NFIB: variants seen among roughly 807,000 people sequenced by gnomAD.
NFIB encodes the protein nuclear factor I B, also known as nuclear factor 1 B-type.
In NFIB, 11 loss-of-function variants were observed where a neutral mutation model predicts 61.5. The observed-to-expected ratio is 0.18, with a 90% CI of 0.11 to 0.30. The LOEUF is 0.30. Ranked by LOEUF, NFIB falls within the 10% of genes least tolerant of loss-of-function variation. The probability of loss-of-function intolerance (pLI) is 1.00; values close to 1 mark genes in which losing one functional copy is unlikely to be tolerated. For synonymous variants in NFIB, 260 were observed against 216.5 expected (o/e 1.20, Z -1.76); for missense variants, 471 against 608.9 (o/e 0.77, Z 2.38).
chr9:14,516,070 G>A, the NFIB span, among the ~76,000 whole-genome samples: 37 of 152,344 alleles, frequency 2.4e-4, no homozygotes, highest in African/African-American at 8.4e-4. Flanking sequence ...GGAAGCCAGC[G>A]CTGAATTTAG....
intron 2 of NFIB, among the ~76,000 whole-genome samples, chr9:14,281,860 G>C (rs2058393720): frequency 6.6e-6 from 1 of 151,382 alleles, no homozygotes; most frequent in South Asian, 2.1e-4. Context: ...GTTTTTTTTA[G>C]GGAAATTAAT....
intron 2 of NFIB, among the ~76,000 whole-genome samples, chr9:14,199,498 A>G (rs2048793339): frequency 6.6e-6 from 1 of 152,218 alleles, no homozygotes; most frequent in Non-Finnish European, 1.5e-5. Context: ...TCAAAAACTT[A>G]ACTCACCCAT....
the NFIB span, among the ~76,000 whole-genome samples, chr9:14,448,952 T>C: frequency 6.6e-6 from 1 of 152,114 alleles, no homozygotes; most frequent in Non-Finnish European, 1.5e-5. Flanking sequence ...TTGCTCCCAG[T>C]TTGAGTCAAT....
At chr9:14,295,523 C>T (rs1169695528) in intron 2 of NFIB, among the ~76,000 whole-genome samples, 2 of 152,034 alleles carry the variant, frequency 1.3e-5, no homozygotes, top group Admixed American at 6.5e-5. Context: ...CCCAGCTACT[C>T]GGCAAGCTGA....
rs371408383 is a variant in NFIB, at chr9:14,146,702, G to A, written c.912C>T (p.His304=). The A allele has an allele frequency of 4.6e-5, 74 of 1,612,726 alleles. No individual in the cohort carries two copies. The highest frequency in any genetic ancestry group is 6.7e-5 in the African/African-American group (5 of 74,806). Residue 304 remains histidine, a synonymous_variant, in exon 6 of 11, where the codon CAC becomes CAT. Coordinates refer to ENST00000380953, the MANE Select transcript of NFIB (RefSeq NM_001190737.2). ...CTTATTACTCACCTTGATCTCTTTC[G>A]TGCCATGTTCGACTTCCAGCAGCTG... is the stretch of plus-strand genomic sequence containing the variant. ...SSPAAGSRTW[H]ERDQDMSSPT... is the part of the protein sequence containing the mutation.
intron 10 of NFIB, among the ~76,000 whole-genome samples, chr9:14,088,936 GT>G (rs1447857570): frequency 1.3e-5 from 2 of 152,100 alleles, no homozygotes; most frequent in African/African-American, 4.8e-5. Flanking sequence ...CTTAATCAGA[GT>G]TTTTTAGTAA....
At chr9:14,309,936 C>T (rs1163916186) in intron 1 of NFIB, among the ~76,000 whole-genome samples, 2 of 152,138 alleles carry the variant, frequency 1.3e-5, no homozygotes, top group Non-Finnish European at 1.5e-5. Context: ...CCTTGCCATG[C>T]TTTTTAAAAT....
At chr9:14,126,300 A>G (rs2039636509) in intron 6 of NFIB, among the ~76,000 whole-genome samples, 1 of 152,234 alleles carries the variant, frequency 6.6e-6, no homozygotes, top group African/African-American at 2.4e-5. Flanking sequence ...GCCAGGTAAA[A>G]TGAAGATGTC....
At chr9:14,503,936 A>G in the NFIB span, among the ~76,000 whole-genome samples, 3 of 152,178 alleles carry the variant, frequency 2.0e-5, no homozygotes, top group Non-Finnish European at 4.4e-5. Context: ...GTTCTCTTCT[A>G]GAATTTTTAT....
At chr9:14,237,984 A>C (rs1418276067) in intron 2 of NFIB, among the ~76,000 whole-genome samples, 1 of 151,886 alleles carries the variant, frequency 6.6e-6, no homozygotes, top group Non-Finnish European at 1.5e-5. Flanking sequence ...AGAAACAGTA[A>C]ACCAAGAAAC....
intron 6 of NFIB, among the ~76,000 whole-genome samples, chr9:14,135,897 G>A (rs1441535165): frequency 2.0e-5 from 3 of 152,022 alleles, no homozygotes; most frequent in Non-Finnish European, 4.4e-5. Context: ...TTACACTTGA[G>A]CATATTATTG....
rs751256838 is a variant in NFIB at position 14,313,886 on chromosome 9, G to A, written c.-375C>T. 9.2e-7 allele frequency: 1 copy of A among 1,091,486 alleles called. No individual in the cohort carries two copies. Among genetic ancestry groups the A allele is most frequent in the Non-Finnish European group, 1.1e-6 (1 of 897,066 alleles). 67.6% of individuals were successfully genotyped at this position (1,091,486 alleles called of 1,614,324 possible). On this transcript the variant is annotated 5_prime_UTR_variant, in exon 1 of 11. Coordinates refer to ENST00000380953, the MANE Select transcript of NFIB (RefSeq NM_001190737.2). This position sits in a 1 kb window ranked among gnomAD's most constrained non-coding sequence, Gnocchi z 4.5. The stretch of plus-strand genomic sequence containing the variant: ...TGTTGGGGTGTAGGGGGTGCGCGAA[G>A]GTTCGGTGTGGGTTGGATTGGGGTG...
At chr9:14,422,925 T>C in the NFIB span, among the ~76,000 whole-genome samples, 5 of 152,208 alleles carry the variant, frequency 3.3e-5, no homozygotes, top group African/African-American at 1.2e-4. Context: ...TAGAGGAAGA[T>C]GAAATGTTTC....
the NFIB span, among the ~76,000 whole-genome samples, chr9:14,512,479 A>C: frequency 6.6e-6 from 1 of 152,182 alleles, no homozygotes; most frequent in South Asian, 2.1e-4. Context: ...TTCTAGGCAT[A>C]TCTTTGTTGG....
intron 2 of NFIB, among the ~76,000 whole-genome samples, chr9:14,191,115 G>A (rs531197594): frequency 2.0e-5 from 3 of 151,780 alleles, no homozygotes; most frequent in African/African-American, 4.8e-5. Context: ...ATCACCTGAG[G>A]TCAGGAGTTC....
chr9:14,468,715 A>G, the NFIB span, among the ~76,000 whole-genome samples: 1 of 152,258 alleles, frequency 6.6e-6, no homozygotes, highest in Admixed American at 6.5e-5. Flanking sequence ...AGAAGGAGCT[A>G]TCTGTCACTT....
chr9:14,509,098 T>C, the NFIB span, among the ~76,000 whole-genome samples: 2 of 152,216 alleles, frequency 1.3e-5, no homozygotes, highest in Admixed American at 6.5e-5. Flanking sequence ...CAGCAAGCGT[T>C]TCTTGAGGAC....
chr9:14,525,169 T>C, the NFIB span, among the ~76,000 whole-genome samples: 1 of 152,164 alleles, frequency 6.6e-6, no homozygotes, highest in Non-Finnish European at 1.5e-5. Context: ...TCCTGGCCCA[T>C]TTAACACAGA....
intron 1 of NFIB, among the ~76,000 whole-genome samples, chr9:14,354,365 A>T (rs2061151195): frequency 6.6e-6 from 1 of 152,236 alleles, no homozygotes; most frequent in South Asian, 2.1e-4. Context: ...TTTTAAAAAT[A>T]AAGTACTAAA....
Sources: gnomAD v4.1 joint callset for allele counts (sites outside exome capture counted in the v4.1 genomes callset) on GRCh38, gnomAD v4.1.1 for gene constraint, Gnocchi (gnomAD v3.1) non-coding constraint, MANE v1.5 for transcripts, NCBI Gene and HGNC (gene_info 2026-07-23, HGNC 2026-07-21) for gene names.